BCKDHB: variants seen among roughly 807,000 people sequenced by gnomAD.
BCKDHB encodes branched chain keto acid dehydrogenase E1 subunit beta.
A neutral mutation model predicts 48.5 loss-of-function variants in BCKDHB; 41 were observed. The ratio of observed to expected loss-of-function variants is 0.85; its 90% CI spans 0.66 to 1.10. The LOEUF is 1.10. Ranked by LOEUF, BCKDHB falls within the 50% of genes least tolerant of loss-of-function variation. The probability of loss-of-function intolerance (pLI) is 0.00; values close to 1 mark genes in which losing one functional copy is unlikely to be tolerated. For missense variants in BCKDHB, 496 were observed against 494.2 expected, an observed-to-expected ratio of 1.00 and a Z score of -0.03; for synonymous variants, 201 against 174.8, an observed-to-expected ratio of 1.15 and a Z score of -1.18.
intron 9 of BCKDHB, among the ~76,000 whole-genome samples, chr6:80,319,469 C>T (rs1768602647): frequency 6.6e-6 from 1 of 152,144 alleles, no homozygotes; most frequent in African/African-American, 2.4e-5. Context: ...TCTTGAATTA[C>T]TCATCACTTT....
chr6:80,407,157 G>C, the BCKDHB span, among the ~76,000 whole-genome samples: 2 of 152,160 alleles, frequency 1.3e-5, no homozygotes, highest in African/African-American at 4.8e-5. Context: ...TCAAAGATTA[G>C]ATGGATATAG....
At chr6:80,365,812 A>T in the BCKDHB span, among the ~76,000 whole-genome samples, 1 of 152,226 alleles carries the variant, frequency 6.6e-6, no homozygotes, top group Non-Finnish European at 1.5e-5. Flanking sequence ...ATAAATGTCC[A>T]TGAATCTTCA....
chr6:80,347,020 CT>C (rs1297383804), downstream of BCKDHB, among the ~76,000 whole-genome samples: 2 of 149,822 alleles, frequency 1.3e-5, no homozygotes, highest in African/African-American at 2.5e-5. Flanking sequence ...AAAAAGAACA[CT>C]TTTCTATAAC....
At chr6:80,437,545 C>T in the BCKDHB span, among the ~76,000 whole-genome samples, 2 of 152,152 alleles carry the variant, frequency 1.3e-5, no homozygotes, top group Non-Finnish European at 2.9e-5. Flanking sequence ...CTTCATTATT[C>T]CCAAGTTTAG....
chr6:80,174,998 G>A (rs543743159), intron 6 of BCKDHB, among the ~76,000 whole-genome samples: 1 of 152,032 alleles, frequency 6.6e-6, no homozygotes, highest in African/African-American at 2.4e-5. Flanking sequence ...CTAATATAAG[G>A]CCTCAAGTAA....
downstream of BCKDHB, among the ~76,000 whole-genome samples, chr6:80,347,268 T>C (rs1011081576): frequency 6.6e-6 from 1 of 152,140 alleles, no homozygotes. Flanking sequence ...TTGTACAGCA[T>C]AGGAAGGGAA....
intron 8 of BCKDHB, among the ~76,000 whole-genome samples, chr6:80,219,529 T>A (rs1283768725): frequency 6.6e-6 from 1 of 152,080 alleles, no homozygotes. Context: ...TCTAATTTCC[T>A]TTTCCAGTCT....
intron 1 of BCKDHB, among the ~76,000 whole-genome samples, chr6:80,119,177 G>A (rs1769871690): frequency 6.6e-6 from 1 of 152,006 alleles, no homozygotes. Context: ...GTAATCCCTG[G>A]GGTGGCTGTG....
the BCKDHB span, among the ~76,000 whole-genome samples, chr6:80,439,425 A>AG: frequency 6.6e-6 from 1 of 152,158 alleles, no homozygotes; most frequent in Non-Finnish European, 1.5e-5. Flanking sequence ...TTACATAGAA[A>AG]TTTTCTTCCA....
intron 9 of BCKDHB, among the ~76,000 whole-genome samples, chr6:80,277,264 T>C (rs1778003399): frequency 1.3e-5 from 2 of 152,226 alleles, no homozygotes; most frequent in East Asian, 3.9e-4. Flanking sequence ...GAATTTTATT[T>C]GATGCTTGTA....
intron 8 of BCKDHB, among the ~76,000 whole-genome samples, chr6:80,258,687 G>A (rs1031314452): frequency 2.0e-5 from 3 of 152,046 alleles, no homozygotes; most frequent in African/African-American, 7.2e-5. Context: ...ATCCTGATGA[G>A]GGGAGTAGAC....
chr6:80,243,184 G>T (rs1211121818), intron 8 of BCKDHB, among the ~76,000 whole-genome samples: 1 of 152,148 alleles, frequency 6.6e-6, no homozygotes, highest in African/African-American at 2.4e-5. Flanking sequence ...ACTGAGACTA[G>T]AAGTACAGGG....
the BCKDHB span, among the ~76,000 whole-genome samples, chr6:80,357,500 G>A: frequency 2.6e-5 from 4 of 152,170 alleles, no homozygotes; most frequent in African/African-American, 9.7e-5. Context: ...TCTTGACATA[G>A]AGAAGGCAAA....
intron 9 of BCKDHB, among the ~76,000 whole-genome samples, chr6:80,338,044 T>G (rs1374165168): frequency 1.3e-5 from 2 of 152,194 alleles, no homozygotes; most frequent in Non-Finnish European, 2.9e-5. Context: ...TGAACTTTTC[T>G]TCACAGTTTT....
the BCKDHB span, among the ~76,000 whole-genome samples, chr6:80,410,128 G>T: frequency 6.6e-6 from 1 of 152,126 alleles, no homozygotes; most frequent in Non-Finnish European, 1.5e-5. Context: ...AGGAGCTCTT[G>T]TAAGGCAGGC....
intron 1 of BCKDHB, among the ~76,000 whole-genome samples, chr6:80,115,328 A>G (rs575167374): frequency 6.6e-6 from 1 of 152,242 alleles, no homozygotes; most frequent in East Asian, 1.9e-4. Flanking sequence ...ACATTTTAAT[A>G]CAAAATGTTC....
chr6:80,442,264 T>G, the BCKDHB span, among the ~76,000 whole-genome samples: 5 of 152,190 alleles, frequency 3.3e-5, 1 homozygote. Context: ...TAATATAGTT[T>G]GAATATTTAG....
At chr6:80,410,871 C>G in the BCKDHB span, among the ~76,000 whole-genome samples, 1 of 152,122 alleles carries the variant, frequency 6.6e-6, no homozygotes, top group African/African-American at 2.4e-5. Context: ...TTTTAGCTTC[C>G]TTGCAATGGG....
chr6:80,386,116 A>C, the BCKDHB span, among the ~76,000 whole-genome samples: 4 of 152,194 alleles, frequency 2.6e-5, no homozygotes, highest in African/African-American at 7.2e-5. Context: ...AGACAGACTC[A>C]TCCCAGCTGG....
Sources: gnomAD v4.1 joint callset for allele counts (sites outside exome capture counted in the v4.1 genomes callset) on GRCh38, gnomAD v4.1.1 for gene constraint, MANE v1.5 for transcripts, NCBI Gene and HGNC (gene_info 2026-07-23, HGNC 2026-07-21) for gene names.